PROS1: variants seen among roughly 807,000 people sequenced by gnomAD.
PROS1 encodes the protein vitamin K-dependent protein S.
Under a neutral mutation model 75.9 loss-of-function variants are expected in PROS1, and 29 were observed. That is an observed-to-expected ratio of 0.38 (90% CI 0.28 to 0.52). The LOEUF is 0.52. PROS1 is among the 20% of genes least tolerant of loss of function. The pLI is 0.83. For missense variants in PROS1, 680 were observed against 810.3 expected (o/e 0.84, Z 1.95); for synonymous variants, 245 against 280.6 (o/e 0.87, Z 1.27).
chr3:93,886,568 A>T (rs1369492898), intron 10 of PROS1, 65 bp from the exon 11 acceptor site: 4 of 1,214,554 alleles, frequency 3.3e-6, no homozygotes, highest in Non-Finnish European at 4.8e-6. Flanking sequence ...AAATACTGGG[A>T]TCTAAAACTT....
rs372589167 is a variant in PROS1, at chr3:93,910,651, T to C, written c.314A>G (p.Asn105Ser). 88 of 1,613,568 alleles carry C rather than the reference T, an allele frequency of 5.5e-5. No homozygotes were observed. The highest frequency in any genetic ancestry group is 7.4e-5 in the Non-Finnish European group (87 of 1,179,710). ...ACAGCTTCTTAGGTCAGGATAAGCA[T>C]TAGTTGACTGACGTGCAGCAGTGAA... ...GLFTAARQST[N>S]AYPDLRSCVN... The change falls in exon 4 of 15, where the codon AAT becomes AGT. Residue 105 changes from asparagine (N) to serine (S), a missense_variant. Transcript: ENST00000394236.
intron 1 of PROS1, among the ~76,000 whole-genome samples, chr3:93,963,067 A>G (rs1709732689): frequency 6.6e-6 from 1 of 152,190 alleles, no homozygotes; most frequent in African/African-American, 2.4e-5. Context: ...TTTTCTGAAG[A>G]GCAAGGTCCT....
intron 1 of PROS1, among the ~76,000 whole-genome samples, chr3:93,960,172 G>C (rs1270439645): frequency 6.8e-6 from 1 of 148,066 alleles, no homozygotes; most frequent in Non-Finnish European, 1.5e-5. Flanking sequence ...AAGTGCGTTT[G>C]TCACTTTTTT....
intron 1 of PROS1, among the ~76,000 whole-genome samples, chr3:93,961,057 T>C (rs1033227075): frequency 6.6e-6 from 1 of 152,132 alleles, no homozygotes; most frequent in African/African-American, 2.4e-5. Context: ...TTTATGATAG[T>C]TCAATTCATG....
At chr3:93,938,534 T>A (rs1301322085) in intron 1 of PROS1, among the ~76,000 whole-genome samples, 2 of 152,152 alleles carry the variant, frequency 1.3e-5, no homozygotes, top group African/African-American at 4.8e-5. Context: ...ACCCACGACC[T>A]CAGGTCCTCA....
chr3:93,893,188 T>G, intron 9 of PROS1, 66 bp from the exon 10 acceptor site: 1 of 1,395,478 alleles, frequency 7.2e-7, no homozygotes, highest in South Asian at 1.2e-5. Context: ...CATTATTCTT[T>G]TTTTCTTGTA....
intron 14 of PROS1, among the ~76,000 whole-genome samples, chr3:93,874,824 A>G (rs753249709): frequency 3.9e-5 from 6 of 152,148 alleles, no homozygotes; most frequent in Non-Finnish European, 7.4e-5. Context: ...TGTCATGATC[A>G]ATATATCTCT....
intron 9 of PROS1, among the ~76,000 whole-genome samples, chr3:93,895,987 T>C (rs1039158608): frequency 1.3e-4 from 20 of 151,930 alleles, no homozygotes; most frequent in Non-Finnish European, 4.4e-5. Flanking sequence ...TATAATAAAA[T>C]AAAAATTGGA....
In PROS1 at chr3:93,902,967, C is replaced by T. The variant is rs146619385; in HGVS notation, c.602-2038G>A. ...CTGCAAGCTCTGCCTCCCGGGTTCA[C>T]GCTATTCTCCTGCCTCAGCCTCCGG... On this transcript the variant is annotated intron_variant, in intron 6 of 14. Coordinates refer to ENST00000394236, the MANE Select transcript of PROS1 (RefSeq NM_000313.4). 4.9e-3 allele frequency among the ~76,000 whole-genome samples: 745 copies of T among 151,936 alleles called. 7 individuals carry two copies. Among genetic ancestry groups the T allele is most frequent in the African/African-American group, 0.017 (697 of 41,466 alleles).
intron 13 of PROS1, among the ~76,000 whole-genome samples, chr3:93,877,776 A>G (rs528491274): frequency 3.8e-4 from 58 of 152,348 alleles, no homozygotes; most frequent in African/African-American, 1.1e-3. Context: ...GAACCTTTCA[A>G]ACTGCCGTTA....
intron 1 of PROS1, among the ~76,000 whole-genome samples, chr3:93,945,050 T>A (rs1709360845): frequency 6.6e-6 from 1 of 151,808 alleles, no homozygotes; most frequent in African/African-American, 2.4e-5. Flanking sequence ...TCTATGCAAA[T>A]AAAGTAGAAA....
At chr3:93,916,324 G>A (rs1481003253) in intron 3 of PROS1, among the ~76,000 whole-genome samples, 7 of 152,146 alleles carry the variant, frequency 4.6e-5, no homozygotes, top group Admixed American at 1.3e-4. Flanking sequence ...CGCATCTCTG[G>A]CAAATTTTAC....
intron 1 of PROS1, among the ~76,000 whole-genome samples, chr3:93,961,491 C>T (rs1709705284): frequency 6.6e-6 from 1 of 152,220 alleles, no homozygotes; most frequent in African/African-American, 2.4e-5. Context: ...TCCCAACAAT[C>T]AGGAAGCCTG....
At chr3:93,949,416 T>C (rs1426700027) in intron 1 of PROS1, among the ~76,000 whole-genome samples, 6 of 152,114 alleles carry the variant, frequency 3.9e-5, no homozygotes, top group Admixed American at 2.0e-4. Flanking sequence ...CATTCCTTTA[T>C]ACCACACTAA....
intron 1 of PROS1, among the ~76,000 whole-genome samples, chr3:93,967,322 G>A (rs1709807216): frequency 6.6e-6 from 1 of 152,146 alleles, no homozygotes; most frequent in African/African-American, 2.4e-5. Context: ...TAATTTTTCT[G>A]TCAGCACAAC....
At chr3:93,948,085 C>T (rs1709434210) in intron 1 of PROS1, among the ~76,000 whole-genome samples, 1 of 152,106 alleles carries the variant, frequency 6.6e-6, no homozygotes, top group African/African-American at 2.4e-5. Context: ...GTTTACCCAG[C>T]TTACTTAGGA....
chr3:93,922,732 T>C (rs563939491), intron 3 of PROS1, among the ~76,000 whole-genome samples: 173 of 152,258 alleles, frequency 1.1e-3, no homozygotes, highest in South Asian at 4.8e-3. Context: ...CTATAGAATA[T>C]ACACATCAAA....
intron 10 of PROS1, among the ~76,000 whole-genome samples, chr3:93,889,194 T>C (rs1393892496): frequency 4.6e-5 from 7 of 152,236 alleles, no homozygotes; most frequent in Non-Finnish European, 1.0e-4. Context: ...TTACTCTCTA[T>C]GTCTTTGTCT....
chr3:93,886,934 C>T (rs1161952652), intron 10 of PROS1, among the ~76,000 whole-genome samples: 1 of 135,630 alleles, frequency 7.4e-6, no homozygotes, highest in Admixed American at 8.0e-5. Flanking sequence ...TTTTTTGAGA[C>T]GGAGTCTCGC....
Sources: allele counts gnomAD v4.1 joint callset (sites outside exome capture counted in the v4.1 genomes callset), GRCh38; gene constraint gnomAD v4.1.1; transcripts MANE v1.5; gene names NCBI Gene and HGNC (gene_info 2026-07-23, HGNC 2026-07-21).